TXK: variants seen among roughly 807,000 people sequenced by gnomAD.
TXK encodes tyrosine-protein kinase TXK.
TXK carries 60 observed loss-of-function variants against 81.0 expected under a neutral mutation model. The ratio of observed to expected loss-of-function variants is 0.74; its 90% CI spans 0.60 to 0.92. The LOEUF is 0.92. Among genes scored for constraint, TXK ranks in the 40% least tolerant of loss-of-function variants. The pLI is 0.00. For missense variants in TXK, 581 were observed against 638.3 expected (o/e 0.91, Z 0.97); for synonymous variants, 203 against 210.7 (o/e 0.96, Z 0.32).
At chr4:48,099,386 G>T (rs1031193583) in intron 6 of TXK, among the ~76,000 whole-genome samples, 1 of 151,986 alleles carries the variant, frequency 6.6e-6, no homozygotes, top group Admixed American at 6.5e-5. Context: ...TATACCTATG[G>T]TTATTTTTCC....
intron 4 of TXK, among the ~76,000 whole-genome samples, chr4:48,112,002 A>C (rs934117324): frequency 6.6e-6 from 1 of 152,278 alleles, no homozygotes; most frequent in Non-Finnish European, 1.5e-5. Context: ...CACAAATTAG[A>C]ATAAGAACCT....
intron 1 of TXK, among the ~76,000 whole-genome samples, chr4:48,121,596 T>C (rs1412669671): frequency 1.3e-5 from 2 of 152,224 alleles, no homozygotes; most frequent in Non-Finnish European, 2.9e-5. Context: ...CACATATACT[T>C]TAAATCATCT....
chr4:48,071,482 C>G, intron 14 of TXK, 35 bp downstream of exon 14: 2 of 1,589,778 alleles, frequency 1.3e-6, no homozygotes, highest in African/African-American at 1.3e-5. Flanking sequence ...GATGCTGGGA[C>G]TGCCAACCTT....
intron 1 of TXK, among the ~76,000 whole-genome samples, chr4:48,122,844 T>A (rs1718992782): frequency 4.6e-5 from 7 of 152,224 alleles, no homozygotes; most frequent in Admixed American, 4.6e-4. Context: ...TCCGAAGTGG[T>A]GAACAGTGTG....
intron 14 of TXK, among the ~76,000 whole-genome samples, chr4:48,071,035 G>C (rs1320475526): frequency 6.8e-6 from 1 of 147,142 alleles, no homozygotes; most frequent in African/African-American, 2.5e-5. Context: ...CAGTAGCTGG[G>C]ATTACAGGCA....
intron 6 of TXK, 73 bp downstream of exon 6, chr4:48,104,827 CT>C (rs940100342): frequency 1.7e-6 from 2 of 1,147,496 alleles, no homozygotes. Context: ...AAATAATATA[CT>C]TTTTTAGTTG....
intron 1 of TXK, among the ~76,000 whole-genome samples, chr4:48,125,534 G>A (rs1050773131): frequency 6.6e-6 from 1 of 152,174 alleles, no homozygotes; most frequent in African/African-American, 2.4e-5. Context: ...CAGGACTCCA[G>A]GAGACTCTCT....
chr4:48,125,030 T>C lies in TXK; in HGVS notation c.16+9125A>G, dbSNP rs532094920. 7.9e-5 allele frequency among the ~76,000 whole-genome samples: 12 copies of C among 152,302 alleles called. No individual in the cohort carries two copies. In the South Asian group the frequency reaches 2.1e-3, roughly 26 times the overall value. On this transcript the variant is annotated intron_variant, in intron 1 of 14. Transcript: ENST00000264316. ...ACTTCTACCAACACAGCCCTTACCA[T>C]ATGCCAGGCATGACAGATACTTAGA...
At chr4:48,072,664 A>G (rs1317488823) in intron 13 of TXK, among the ~76,000 whole-genome samples, 3 of 152,240 alleles carry the variant, frequency 2.0e-5, no homozygotes, top group East Asian at 1.9e-4. Flanking sequence ...TGGAGATTTT[A>G]TAAGTGTGAG....
chr4:48,099,240 T>C (rs1718095390), intron 6 of TXK, among the ~76,000 whole-genome samples: 1 of 152,034 alleles, frequency 6.6e-6, no homozygotes, highest in Non-Finnish European at 1.5e-5. Context: ...CAAGATACAC[T>C]CATTTATGAC....
chr4:48,090,068 A>G (rs1185954667), intron 8 of TXK, among the ~76,000 whole-genome samples: 1 of 152,236 alleles, frequency 6.6e-6, no homozygotes, highest in African/African-American at 2.4e-5. Context: ...AAATCTTAGT[A>G]TTCACAGATA....
intron 6 of TXK, among the ~76,000 whole-genome samples, chr4:48,098,750 C>A (rs1346220376): frequency 1.3e-5 from 2 of 152,060 alleles, no homozygotes; most frequent in African/African-American, 4.8e-5. Flanking sequence ...TCACTTGAGG[C>A]CAGGAGTTCG....
chr4:48,123,041 T>C (rs980295931), intron 1 of TXK, among the ~76,000 whole-genome samples: 2 of 152,258 alleles, frequency 1.3e-5, no homozygotes, highest in Non-Finnish European at 2.9e-5. Context: ...TGACCATCTA[T>C]ATAGCCTCCT....
At chr4:48,129,739 G>A (rs962852787) in intron 1 of TXK, among the ~76,000 whole-genome samples, 3 of 152,138 alleles carry the variant, frequency 2.0e-5, no homozygotes, top group Admixed American at 6.5e-5. Context: ...TCTCAGAAGG[G>A]GCTGATGTGA....
At chr4:48,134,088 T>C in intron 1 of TXK, 67 bp downstream of exon 1, 1 of 1,579,514 alleles carries the variant, frequency 6.3e-7, no homozygotes, top group Non-Finnish European at 8.6e-7. Context: ...AAACTTCCTC[T>C]GCTGTTCAAG....
chr4:48,112,293 TGTAA>T lies in TXK; in HGVS notation c.380+10_380+13del. On this transcript the variant is annotated intron_variant, in intron 4 of 14. Transcript: ENST00000264316. ...GAAGAATTGGATACTGACTAAGTCATGTAAGTGTCTTACCCCAAACGGTCTCTTG... is the reference window on the plus strand; with the variant it reads ...GAAGAATTGGATACTGACTAAGTCATGTGTCTTACCCCAAACGGTCTCTTG... The T allele has an allele frequency of 1.2e-6, 2 of 1,611,720 alleles. No individual in the cohort carries two copies. The highest frequency in any genetic ancestry group is 1.1e-5 in the South Asian group (1 of 91,006).
chr4:48,115,346 C>T (rs897764022), intron 1 of TXK, among the ~76,000 whole-genome samples: 1 of 152,122 alleles, frequency 6.6e-6, no homozygotes, highest in African/African-American at 2.4e-5. Flanking sequence ...TGATGGCTTC[C>T]AGCTTCATCC....
At chr4:48,127,608 G>T (rs539195490) in intron 1 of TXK, among the ~76,000 whole-genome samples, 1 of 152,334 alleles carries the variant, frequency 6.6e-6, no homozygotes, top group East Asian at 1.9e-4. Context: ...ATATATTCGG[G>T]CTTGAAGATT....
chr4:48,081,698 C>T (rs1355157161), intron 10 of TXK, among the ~76,000 whole-genome samples: 3 of 152,102 alleles, frequency 2.0e-5, no homozygotes, highest in African/African-American at 7.2e-5. Flanking sequence ...AGTTAATACC[C>T]TCCACTCTGA....
Sources: allele counts gnomAD v4.1 joint callset (sites outside exome capture counted in the v4.1 genomes callset), GRCh38; gene constraint gnomAD v4.1.1; transcripts MANE v1.5; gene names NCBI Gene and HGNC (gene_info 2026-07-23, HGNC 2026-07-21).